The following CORIN variants were observed in gnomAD, a reference collection of about 807,000 sequenced individuals.
CORIN encodes the protein atrial natriuretic peptide-converting enzyme.
CORIN carries 117 observed loss-of-function variants against 125.3 expected under a neutral mutation model. The observed-to-expected ratio is 0.93, with a 90% CI of 0.80 to 1.09. The LOEUF (loss-of-function observed/expected upper bound fraction) is 1.09. Among genes scored for constraint, CORIN ranks in the 50% least tolerant of loss-of-function variants. The pLI is 0.00. For synonymous variants in CORIN, 450 were observed against 466.4 expected, an observed-to-expected ratio of 0.96 and a Z score of 0.45; for missense variants, 1,253 against 1,306.7, an observed-to-expected ratio of 0.96 and a Z score of 0.63.
At chr4:47,778,175 G>A (rs1296176009) in intron 3 of CORIN, among the ~76,000 whole-genome samples, 3 of 152,142 alleles carry the variant, frequency 2.0e-5, no homozygotes, top group African/African-American at 2.4e-5. Context: ...AGAGGAAATT[G>A]TGATAATGAA....
chr4:47,725,291 A>G (rs1312930866), intron 5 of CORIN, among the ~76,000 whole-genome samples: 4 of 152,090 alleles, frequency 2.6e-5, no homozygotes, highest in Non-Finnish European at 5.9e-5. Context: ...ACACTTACAT[A>G]GAAAGGCAAA....
chr4:47,711,895 C>A (rs897080461), intron 5 of CORIN, among the ~76,000 whole-genome samples: 1 of 152,182 alleles, frequency 6.6e-6, no homozygotes, highest in Non-Finnish European at 1.5e-5. Flanking sequence ...CATTTACTCA[C>A]GTTAGCTATA....
intron 2 of CORIN, among the ~76,000 whole-genome samples, chr4:47,794,604 G>A (rs960262268): frequency 4.6e-5 from 7 of 152,082 alleles, no homozygotes; most frequent in East Asian, 3.8e-4. Context: ...CCAAGTCTTC[G>A]ACAGGCTGAG....
chr4:47,674,121 A>G (rs930288712), intron 10 of CORIN, among the ~76,000 whole-genome samples: 3 of 152,262 alleles, frequency 2.0e-5, no homozygotes, highest in South Asian at 2.1e-4. Context: ...AAAATAATAC[A>G]GAGAACTAAT....
intron 5 of CORIN, among the ~76,000 whole-genome samples, chr4:47,724,939 G>A (rs571801573): frequency 1.3e-5 from 2 of 152,284 alleles, no homozygotes; most frequent in African/African-American, 4.8e-5. Flanking sequence ...GGATTATACA[G>A]GGTGAGTGAA....
chr4:47,789,118 C>T (rs1256161427), intron 2 of CORIN, among the ~76,000 whole-genome samples: 1 of 151,828 alleles, frequency 6.6e-6, no homozygotes, highest in Non-Finnish European at 1.5e-5. Context: ...CCCTGACCCG[C>T]GTGAAACCCC....
intron 2 of CORIN, among the ~76,000 whole-genome samples, chr4:47,803,664 T>G (rs1731641626): frequency 6.6e-6 from 1 of 152,196 alleles, no homozygotes. Context: ...TGCAGAAGAA[T>G]AAAACTAGAC....
intron 3 of CORIN, among the ~76,000 whole-genome samples, chr4:47,785,909 CAAAAAAAAAAA>C (rs11313881): frequency 2.5e-5 from 2 of 80,500 alleles, no homozygotes; most frequent in Non-Finnish European, 2.4e-5. Context: ...GACTCCATCT[CAAAAAAAAAAA>C]AAAAAAAAAA....
At chr4:47,761,897 G>A (rs1374296569) in intron 4 of CORIN, among the ~76,000 whole-genome samples, 1 of 152,138 alleles carries the variant, frequency 6.6e-6, no homozygotes, top group Non-Finnish European at 1.5e-5. Flanking sequence ...CTGAGGGGCT[G>A]AAGCAGGAGG....
intron 12 of CORIN, among the ~76,000 whole-genome samples, chr4:47,655,216 G>A (rs1454347033): frequency 6.6e-6 from 1 of 151,744 alleles, no homozygotes; most frequent in East Asian, 2.0e-4. Flanking sequence ...CTCTGAGATG[G>A]GCTGGCTTCA....
intron 2 of CORIN, among the ~76,000 whole-genome samples, chr4:47,795,172 A>G (rs936796376): frequency 1.3e-5 from 2 of 152,044 alleles, no homozygotes; most frequent in African/African-American, 2.4e-5. Flanking sequence ...TTCTAGTGCT[A>G]TACTGCTTTG....
intron 19 of CORIN, 132 bp from the exon 20 acceptor site, chr4:47,603,800 T>A: frequency 1.0e-6 from 1 of 982,038 alleles, no homozygotes; most frequent in Non-Finnish European, 1.5e-6. Context: ...TGTATTCATA[T>A]AAGTGGCATT....
At chr4:47,644,986 T>C in intron 14 of CORIN, 95 bp downstream of exon 14, 1 of 648,958 alleles carries the variant, frequency 1.5e-6, no homozygotes, top group Non-Finnish European at 2.7e-6. Flanking sequence ...AAGATTTGTA[T>C]GCATATTTAC....
chr4:47,801,111 A>G (rs1577934849), intron 2 of CORIN, among the ~76,000 whole-genome samples: 1 of 152,122 alleles, frequency 6.6e-6, no homozygotes. Context: ...GAAGCCAAAC[A>G]TCATATTTGG....
chr4:47,795,285 C>T (rs1306289872), intron 2 of CORIN, among the ~76,000 whole-genome samples: 1 of 152,006 alleles, frequency 6.6e-6, no homozygotes, highest in Admixed American at 6.6e-5. Flanking sequence ...TCTTTTGTGG[C>T]TCCAAATGAA....
intron 20 of CORIN, among the ~76,000 whole-genome samples, chr4:47,600,691 G>T (rs1577725589): frequency 6.6e-6 from 1 of 152,160 alleles, no homozygotes; most frequent in South Asian, 2.1e-4. Context: ...GAGCTCTGCT[G>T]GCTGCCAGAT....
chr4:47,729,335 C>T, intron 5 of CORIN, among the ~76,000 whole-genome samples: 1 of 152,218 alleles, frequency 6.6e-6, no homozygotes, highest in East Asian at 1.9e-4. Context: ...CCAATAATGA[C>T]AGCTGTTTCT....
At chr4:47,759,965 T>C (rs1054055277) in intron 4 of CORIN, among the ~76,000 whole-genome samples, 4 of 152,230 alleles carry the variant, frequency 2.6e-5, no homozygotes, top group African/African-American at 9.6e-5. Context: ...AATCAAGTTC[T>C]TCCAAATTCC....
intron 4 of CORIN, among the ~76,000 whole-genome samples, chr4:47,757,880 A>ATATATATATATATACATATATATATGTG (rs1560535401): frequency 8.4e-6 from 1 of 119,302 alleles, no homozygotes; most frequent in East Asian, 2.5e-4. Flanking sequence ...ATATATATGT[A>ATATATATATATATACATATATATATGTG]TATATATATA....
Sources: allele counts gnomAD v4.1 joint callset (sites outside exome capture counted in the v4.1 genomes callset), GRCh38; gene constraint gnomAD v4.1.1; transcripts MANE v1.5; gene names NCBI Gene and HGNC (gene_info 2026-07-23, HGNC 2026-07-21).